The following CTSS variants were observed in gnomAD, a reference collection of about 807,000 sequenced individuals.
CTSS encodes cathepsin S.
Under a neutral mutation model 39.9 loss-of-function variants are expected in CTSS, and 15 were observed. The ratio of observed to expected loss-of-function variants is 0.38; its 90% CI spans 0.25 to 0.58. CTSS has a LOEUF of 0.58. Ranked by LOEUF, CTSS falls within the 20% of genes least tolerant of loss-of-function variation. CTSS has a pLI of 0.70. For missense variants in CTSS, 250 were observed against 398.2 expected (o/e 0.63, Z 3.17); for synonymous variants, 126 against 138.2 (o/e 0.91, Z 0.62).
intron 2 of CTSS, among the ~76,000 whole-genome samples, chr1:150,761,507 A>C (rs1467496130): frequency 6.6e-6 from 1 of 151,906 alleles, no homozygotes; most frequent in Non-Finnish European, 1.5e-5. Context: ...CGAAGCAGGC[A>C]GATCACCTGA....
chr1:150,752,096 A>G, intron 4 of CTSS, 88 bp from the exon 5 acceptor site: 6 of 1,330,756 alleles, frequency 4.5e-6, no homozygotes, highest in South Asian at 1.3e-5. Flanking sequence ...GCTCAGCTAC[A>G]TCAGTTCTGT....
At chr1:150,733,957 A>C (rs1269043210) in intron 7 of CTSS, among the ~76,000 whole-genome samples, 1 of 152,038 alleles carries the variant, frequency 6.6e-6, no homozygotes, top group African/African-American at 2.4e-5. Context: ...GATTTAATGG[A>C]CTTAGAGGAG....
intron 2 of CTSS, 23 bp downstream of exon 2, chr1:150,764,615 G>A (rs56231712): frequency 1.0e-4 from 169 of 1,613,214 alleles, no homozygotes; most frequent in South Asian, 9.9e-5. Flanking sequence ...AAAGCATATC[G>A]CTCGAGTGGC....
chr1:150,754,980 G>A, intron 4 of CTSS, 21 bp downstream of exon 4: 1 of 1,609,812 alleles, frequency 6.2e-7, no homozygotes, highest in Admixed American at 1.7e-5. Flanking sequence ...GGGTTCAGAG[G>A]CTTGGGATGG....
chr1:150,734,145 C>T (rs1295765823), intron 7 of CTSS, among the ~76,000 whole-genome samples: 1 of 151,832 alleles, frequency 6.6e-6, no homozygotes, highest in Non-Finnish European at 1.5e-5. Context: ...TCTCCTGCCT[C>T]AGCCTCCCAA....
intron 3 of CTSS, among the ~76,000 whole-genome samples, chr1:150,756,316 G>T (rs1355726030): frequency 6.6e-6 from 1 of 152,154 alleles, no homozygotes; most frequent in East Asian, 1.9e-4. Context: ...CCTGCCTGAG[G>T]CTGTTTTACA....
intron 7 of CTSS, among the ~76,000 whole-genome samples, chr1:150,736,247 A>G (rs1652633680): frequency 6.6e-6 from 1 of 152,194 alleles, no homozygotes; most frequent in African/African-American, 2.4e-5. Context: ...TAATTTAATC[A>G]TCATCCTGTG....
chr1:150,760,094 G>A (rs756407078), intron 2 of CTSS, among the ~76,000 whole-genome samples: 1 of 151,922 alleles, frequency 6.6e-6, no homozygotes, highest in Admixed American at 6.6e-5. Flanking sequence ...CAAAAGTCAG[G>A]TTCATTCATC....
chr1:150,755,103 G>T lies in CTSS; in HGVS notation c.297C>A (p.Ser99Arg), dbSNP rs1653093095. ...TATATGTGATATTTCTCTGCCACTG[G>T]CTGGGAACTCTCAGGGAACTCATCA... ...MSLMSSLRVP[S>R]QWQRNITYKS... The change falls in exon 4 of 8, where the codon AGC becomes AGA. Residue 99 changes from serine (S) to arginine (R), a missense_variant. Coordinates refer to ENST00000368985, the MANE Select transcript of CTSS (RefSeq NM_004079.5). The T allele has an allele frequency of 6.2e-7, 1 of 1,614,020 alleles. No homozygotes were observed. Among genetic ancestry groups the T allele is most frequent in the African/African-American group, 1.3e-5 (1 of 74,920 alleles).
chr1:150,763,104 TAA>T (rs202184518), intron 2 of CTSS, among the ~76,000 whole-genome samples: 71 of 146,084 alleles, frequency 4.9e-4, no homozygotes, highest in East Asian at 9.9e-4. Context: ...TATTTAGCCT[TAA>T]AAAAAAAAAA....
chr1:150,737,551 A>G (rs1365151521), intron 7 of CTSS, among the ~76,000 whole-genome samples: 3 of 152,174 alleles, frequency 2.0e-5, no homozygotes, highest in African/African-American at 7.2e-5. Context: ...TGATCACCCT[A>G]CCTTCTCCTT....
intron 7 of CTSS, among the ~76,000 whole-genome samples, chr1:150,743,579 T>TTATATATGTATATTATGTATACATAA: frequency 7.9e-6 from 1 of 126,254 alleles, no homozygotes; most frequent in South Asian, 2.3e-4. Context: ...ACATAATATA[T>TTATATATGTATATTATGTATACATAA]TATATATGTA....
chr1:150,751,271 T>C (rs3768018), intron 5 of CTSS, among the ~76,000 whole-genome samples: 53,799 of 151,914 alleles, frequency 0.35, 9,854 homozygotes, highest in South Asian at 0.54. Flanking sequence ...AATTTTGGGA[T>C]GGAGTCTTGC....
intron 7 of CTSS, among the ~76,000 whole-genome samples, chr1:150,738,358 G>A (rs1284112599): frequency 6.6e-6 from 1 of 152,190 alleles, no homozygotes; most frequent in Non-Finnish European, 1.5e-5. Flanking sequence ...CCTGCATGGA[G>A]CAAGTCTATC....
chr1:150,758,345 C>T (rs587687672), intron 2 of CTSS, among the ~76,000 whole-genome samples: 3 of 152,080 alleles, frequency 2.0e-5, no homozygotes, highest in East Asian at 3.9e-4. Context: ...CCACTGCACC[C>T]GCCCAAAAAT....
rs16840587 is a variant in CTSS, at chr1:150,751,772, A to T, written c.627+9T>A. 8.4e-4 allele frequency: 1,349 copies of T among 1,613,350 alleles called. 11 individuals carry two copies. The African/African-American group carries it at 0.016, about 19-fold the overall frequency. The stretch of plus-strand genomic sequence containing the variant: ...ATGGGGCAGCACAAAAAGTTTGCTT[A>T]AGACGCACCATGGCTTTGTAGGGAT... On this transcript the variant is annotated intron_variant, in intron 5 of 7. Coordinates refer to ENST00000368985, the MANE Select transcript of CTSS (RefSeq NM_004079.5).
chr1:150,749,201 G>A (rs889684879), intron 6 of CTSS, among the ~76,000 whole-genome samples: 2 of 152,176 alleles, frequency 1.3e-5, no homozygotes, highest in Admixed American at 6.5e-5. Context: ...TAAGCTTAGC[G>A]GGAAAGGCAT....
chr1:150,751,973 C>G lies in CTSS; in HGVS notation c.435G>C (p.Val145=). Reference sequence around the variant, plus strand: ...GCTTCAGCTGTGCTTCCAGGGCCCCCACAGCACTGAAAGCCCAGCAAGCAC... The same window carrying G: ...GCTTCAGCTGTGCTTCCAGGGCCCCGACAGCACTGAAAGCCCAGCAAGCAC... ...SCGACWAFSA[V]GALEAQLKLK... is the part of the protein sequence containing the mutation. Residue 145 remains valine (V), a synonymous_variant, in exon 5 of 8, where the codon GTG becomes GTC. Transcript: ENST00000368985. 1 of 1,614,176 alleles carries G rather than the reference C, an allele frequency of 6.2e-7. No individual in the cohort carries two copies. Among genetic ancestry groups the G allele is most frequent in the Non-Finnish European group, 8.5e-7 (1 of 1,180,030 alleles).
At chr1:150,760,029 G>GAA (rs369047855) in intron 2 of CTSS, among the ~76,000 whole-genome samples, 4 of 138,342 alleles carry the variant, frequency 2.9e-5, no homozygotes, top group Admixed American at 7.2e-5. Flanking sequence ...TGCAAGAAAG[G>GAA]AAAAAAAAAA....
Sources: allele counts gnomAD v4.1 joint callset (sites outside exome capture counted in the v4.1 genomes callset), GRCh38; gene constraint gnomAD v4.1.1; transcripts MANE v1.5; gene names NCBI Gene and HGNC (gene_info 2026-07-23, HGNC 2026-07-21).